AP5Z1: variants seen among roughly 807,000 people sequenced by gnomAD.
AP5Z1 encodes adaptor related protein complex 5 subunit zeta 1, also known as AP-5 complex subunit zeta-1.
A neutral mutation model predicts 83.0 loss-of-function variants in AP5Z1; 106 were observed. The observed-to-expected ratio is 1.28, with a 90% CI of 1.09 to 1.50. The LOEUF (loss-of-function observed/expected upper bound fraction) is 1.50, where lower values mean the gene tolerates loss of function less well. Among genes scored for constraint, AP5Z1 ranks in the 40% most tolerant of loss-of-function variants. AP5Z1 has a pLI of 0.00. For missense variants in AP5Z1, 1,565 were observed against 1,094.2 expected (o/e 1.43, Z -6.07); for synonymous variants, 751 against 514.1 (o/e 1.46, Z -6.23).
At position 4,781,808 on chromosome 7, in the gene AP5Z1, CAG is replaced by C. The variant is rs532925050; in HGVS notation, c.366+55_366+56del. 5.8e-3 allele frequency: 8,540 copies of C among 1,469,954 alleles called. 36 individuals are homozygous for C. The highest frequency in any genetic ancestry group is 6.9e-3 in the Non-Finnish European group (7,650 of 1,106,014). The allele number at this position is 1,469,954 out of a possible 1,614,324, so 91.1% of individuals were successfully genotyped here. ...CACCGGATGGCTGCTTCCCAAGGAA[CAG>C]GGGAGACAGGAAGCAGGGGCGCCAG... On this transcript the variant is annotated intron_variant, in intron 3 of 16. Transcript: ENST00000649063.
rs547606175 is a variant in AP5Z1 at position 4,781,687 on chromosome 7, G to A, written c.299G>A (p.Ser100Asn). Residue 100 changes from serine (S) to asparagine (N), a missense_variant, in exon 3 of 17, where the codon AGC (serine) becomes AAC (asparagine). By Grantham distance (46) the Ser-to-Asn change is conservative. Transcript: ENST00000649063. ...GAGATGTCCCCCTCTGACAGCCTCA[G>A]CCTGGCCTGGGACCACACGCAGAAC... ...LREMSPSDSL[S>N]LAWDHTQNSR... The A allele has an allele frequency of 6.9e-6, 11 of 1,596,454 alleles. No individual in the cohort carries two copies. In the East Asian group the frequency reaches 2.0e-4, roughly 29 times the overall value.
intron 1 of AP5Z1, 31 bp from the exon 2 acceptor site, chr7:4,781,144 T>G: frequency 6.2e-7 from 1 of 1,606,302 alleles, no homozygotes; most frequent in Non-Finnish European, 8.5e-7. Flanking sequence ...AGCGAGTGCT[T>G]CTGGGTCCTG....
chr7:4,780,605 A>G (rs752861352), intron 1 of AP5Z1, among the ~76,000 whole-genome samples: 14 of 152,198 alleles, frequency 9.2e-5, no homozygotes, highest in Non-Finnish European at 1.9e-4. Context: ...TTTACTAAAA[A>G]ATACAAAAAA....
rs546728580 is a variant in AP5Z1 at position 4,788,675 on chromosome 7, C to T, written c.1596-165C>T. On this transcript the variant is annotated intron_variant, in intron 12 of 16. Coordinates refer to ENST00000649063, the MANE Select transcript of AP5Z1 (RefSeq NM_014855.3). ...GGCTTTACTGTCCCGGGTGTGCTGA[C>T]GCCAGGGGTCTCCCCAAACCCAGGG... The T allele has an allele frequency of 2.9e-4, 180 of 619,020 alleles. 2 individuals carry two copies. The highest frequency in any genetic ancestry group is 1.4e-3 in the African/African-American group (73 of 53,290). 38.3% of individuals were successfully genotyped at this position (619,020 alleles called of 1,614,324 possible).
intron 14 of AP5Z1, 63 bp downstream of exon 14, chr7:4,789,992 T>TTCCCC: frequency 5.8e-6 from 3 of 516,476 alleles, no homozygotes; most frequent in Non-Finnish European, 7.4e-6. Context: ...CCTCCCCCTC[T>TTCCCC]CCCCTCCCCC....
intron 16 of AP5Z1, 83 bp from the exon 17 acceptor site, chr7:4,791,032 C>A (rs114452544): frequency 1.4e-6 from 2 of 1,473,752 alleles, no homozygotes; most frequent in African/African-American, 1.4e-5. Context: ...CTCTGCTGGG[C>A]GCTTCAGGCC....
intron 9 of AP5Z1, among the ~76,000 whole-genome samples, 182 bp from the exon 10 acceptor site, chr7:4,786,068 G>A (rs879269580): frequency 3.3e-5 from 5 of 152,292 alleles, no homozygotes; most frequent in Non-Finnish European, 5.9e-5. Context: ...TGTGACTCAC[G>A]AGCTGTCCGT....
intron 1 of AP5Z1, among the ~76,000 whole-genome samples, chr7:4,778,859 A>G (rs981963842): frequency 6.9e-6 from 1 of 144,364 alleles, no homozygotes; most frequent in Non-Finnish European, 1.5e-5. Flanking sequence ...ATGATATATA[A>G]TATTTTATAT....
rs1043780090 is a variant in AP5Z1, at chr7:4,792,664, G to C, written c.*1279G>C. ...ACGGCTGGTGTCCCCCGCGGCCTGC[G>C]ATGACAGCCCAGGGCCGCTGAGCCG... is the stretch of plus-strand genomic sequence containing the variant. On this transcript the variant is annotated 3_prime_UTR_variant, in exon 17 of 17. Coordinates refer to ENST00000649063, the MANE Select transcript of AP5Z1 (RefSeq NM_014855.3). 6.6e-6 allele frequency: 1 copy of C among 152,230 alleles called. No homozygotes were observed. The highest frequency in any genetic ancestry group is 1.9e-4 in the East Asian group (1 of 5,184). 9.4% of individuals were successfully genotyped at this position (152,230 alleles called of 1,614,324 possible).
At position 4,787,746 on chromosome 7, in the gene AP5Z1, G is replaced by T; in HGVS notation, c.1424G>T (p.Cys475Phe). The T allele has an allele frequency of 6.5e-7, 1 of 1,543,800 alleles. No homozygotes were observed. Among genetic ancestry groups the T allele is most frequent in the Non-Finnish European group, 8.7e-7 (1 of 1,148,034 alleles). Reference protein sequence around the residue: ...EMLHALLDLPCLTAVLDLQLR... With the variant: ...EMLHALLDLPFLTAVLDLQLR... ...CTGCACGCGCTGCTGGACCTGCCCTGCTTGACGGCGGTGCTGGACCTGCAG... is the reference window on the plus strand; with the variant it reads ...CTGCACGCGCTGCTGGACCTGCCCTTCTTGACGGCGGTGCTGGACCTGCAG... The change falls in exon 11 of 17, where the codon TGC (cysteine) becomes TTC (phenylalanine). Residue 475 changes from cysteine to phenylalanine, a missense_variant. Transcript: ENST00000649063.
rs925113740 is a variant in AP5Z1 at position 4,783,846 on chromosome 7, A to T, written c.621+48A>T. The T allele has an allele frequency of 2.4e-5, 36 of 1,515,708 alleles. No homozygotes were observed. In the Admixed American group the frequency reaches 5.5e-4, roughly 23 times the overall value. The allele number at this position is 1,515,708 out of a possible 1,614,324, so 93.9% of individuals were successfully genotyped here. A position where few individuals can be genotyped will look rare whatever the true frequency, so the allele number is the denominator to read the frequency against. On this transcript the variant is annotated intron_variant, in intron 5 of 16. Transcript: ENST00000649063. ...ACCATGGGGAACAGAGTCACAGACAACCCCTCCCTGAGAGCTCCTGTGCCC... is the reference window on the plus strand; with the variant it reads ...ACCATGGGGAACAGAGTCACAGACATCCCCTCCCTGAGAGCTCCTGTGCCC...
At chr7:4,776,701 C>G (rs1215358499) in intron 1 of AP5Z1, among the ~76,000 whole-genome samples, 1 of 152,034 alleles carries the variant, frequency 6.6e-6, no homozygotes. Context: ...CGCCACTGCA[C>G]TCCAGGCTGG....
chr7:4,781,696 G>A lies in AP5Z1; in HGVS notation c.308G>A (p.Trp103Ter), dbSNP rs1781386992. 6.3e-7 allele frequency: 1 copy of A among 1,590,710 alleles called. No homozygotes were observed. Among genetic ancestry groups the A allele is most frequent in the African/African-American group, 1.3e-5 (1 of 74,676 alleles). ...CCCTCTGACAGCCTCAGCCTGGCCT[G>A]GGACCACACGCAGAACAGCCGGCAG... ...MSPSDSLSLA[W>*]DHTQNSRQLS... The change falls in exon 3 of 17, where the codon TGG becomes TAG. Residue 103 changes from tryptophan (W) to a stop codon, truncating the protein, a stop_gained. Coordinates refer to ENST00000649063, the MANE Select transcript of AP5Z1 (RefSeq NM_014855.3). LOFTEE classifies it high-confidence loss of function.
At position 4,781,768 on chromosome 7, in the gene AP5Z1, C is replaced by T. The variant is rs1306256047; in HGVS notation, c.366+14C>T. On this transcript the variant is annotated intron_variant, in intron 3 of 16. Coordinates refer to ENST00000649063, the MANE Select transcript of AP5Z1 (RefSeq NM_014855.3). ...CTCTTGGCCCAGGTAGCGCAGCAGT[C>T]ACCACCCCAGTTGGCACCGGATGGC... is the stretch of plus-strand genomic sequence containing the variant. 1 of 1,538,706 alleles carries T rather than the reference C, an allele frequency of 6.5e-7. No individual in the cohort carries two copies. Among genetic ancestry groups the T allele is most frequent in the South Asian group, 1.2e-5 (1 of 81,012 alleles).
Position 4,786,202 on chromosome 7 carries a change from G to A in AP5Z1, c.1133-48G>A, listed in dbSNP as rs1583234239. 7 of 1,527,108 alleles carry A rather than the reference G, an allele frequency of 4.6e-6. No individual in the cohort carries two copies. The East Asian group carries it at 1.6e-4, about 35-fold the overall frequency. The allele number at this position is 1,527,108 out of a possible 1,614,324, so 94.6% of individuals were successfully genotyped here. A position where few individuals can be genotyped will look rare whatever the true frequency, so the allele number is the denominator to read the frequency against. On this transcript the variant is annotated intron_variant, in intron 9 of 16. Coordinates refer to ENST00000649063, the MANE Select transcript of AP5Z1 (RefSeq NM_014855.3). ...GCCCCTAACCAGTCACAGAAGCACG[G>A]CCAGGGCGAGGTCAAGACGTGTGCC...
In AP5Z1 at chr7:4,785,053, G is replaced by GT; in HGVS notation, c.931+6dup. On this transcript the variant is annotated splice_donor_region_variant and intron_variant, in intron 7 of 16. Transcript: ENST00000649063. ...TCATTGAGCAAAGTAACCGACGTGAGTCCCCCACCCAGGGCACTGGCCTCC... is the reference window on the plus strand; with the variant it reads ...TCATTGAGCAAAGTAACCGACGTGAGTTCCCCCACCCAGGGCACTGGCCTCC... 1 of 1,592,744 alleles carries GT rather than the reference G, an allele frequency of 6.3e-7. No individual in the cohort carries two copies. Among genetic ancestry groups the GT allele is most frequent in the East Asian group, 2.2e-5 (1 of 44,498 alleles).
rs752985436 is a variant in AP5Z1 at position 4,781,187 on chromosome 7, C to T, written c.54C>T (p.Asp18=). Residue 18 remains aspartate (D), a synonymous_variant, in exon 2 of 17, where the codon GAC becomes GAT. Coordinates refer to ENST00000649063, the MANE Select transcript of AP5Z1 (RefSeq NM_014855.3). ...SLLHQAREIQ[D]EELKKFCSRI... is the part of the protein sequence containing the mutation. ...CTTCTTTGTTTAGGGAGATCCAGGACGAGGAGCTGAAGAAGTTCTGTTCCC... is the reference window on the plus strand; with the variant it reads ...CTTCTTTGTTTAGGGAGATCCAGGATGAGGAGCTGAAGAAGTTCTGTTCCC... 22 of 1,613,832 alleles carry T rather than the reference C, an allele frequency of 1.4e-5. No individual in the cohort carries two copies. Among genetic ancestry groups the T allele is most frequent in the East Asian group, 6.7e-5 (3 of 44,890 alleles).
chr7:4,786,208 G>C (rs775971175), intron 9 of AP5Z1, 42 bp from the exon 10 acceptor site: 3 of 1,541,186 alleles, frequency 1.9e-6, no homozygotes, highest in Non-Finnish European at 2.6e-6. Context: ...CACGGCCAGG[G>C]CGAGGTCAAG....
At chr7:4,783,606 T>A (rs1470421917) in intron 4 of AP5Z1, 83 bp from the exon 5 acceptor site, 13 of 1,513,998 alleles carry the variant, frequency 8.6e-6, no homozygotes, top group Admixed American at 2.1e-5. Context: ...TTCTGTTTTC[T>A]GAGAAAAGTC....
Sources: allele counts gnomAD v4.1 joint callset (sites outside exome capture counted in the v4.1 genomes callset), GRCh38; gene constraint gnomAD v4.1.1; transcripts MANE v1.5; gene names NCBI Gene and HGNC (gene_info 2026-07-23, HGNC 2026-07-21).